OSBP2: variants seen among roughly 807,000 people sequenced by gnomAD.
OSBP2 encodes oxysterol binding protein 2, also known as oxysterol-binding protein 2.
OSBP2 carries 66 observed loss-of-function variants against 96.0 expected under a neutral mutation model. The observed-to-expected ratio is 0.69, with a 90% CI of 0.56 to 0.84. The LOEUF is 0.84. Ranked by LOEUF, OSBP2 falls within the 40% of genes least tolerant of loss-of-function variation. OSBP2 has a pLI of 0.00. For synonymous variants in OSBP2, 525 were observed against 520.9 expected (o/e 1.01, Z -0.11); for missense variants, 1,038 against 1,222.7 (o/e 0.85, Z 2.25).
intron 2 of OSBP2, among the ~76,000 whole-genome samples, chr22:30,778,335 C>CACACACACACACACA (rs1569119589): frequency 9.9e-6 from 1 of 100,616 alleles, no homozygotes; most frequent in African/African-American, 4.2e-5. Context: ...ACACACACAC[C>CACACACACACACACA]CACTGACAGC....
At chr22:30,705,437 G>T (rs764914992) in intron 1 of OSBP2, among the ~76,000 whole-genome samples, 13 of 152,082 alleles carry the variant, frequency 8.5e-5, no homozygotes, top group Non-Finnish European at 1.5e-4. Flanking sequence ...GGAATTACAG[G>T]CATGCACCAC....
At chr22:30,699,999 G>A (rs2089131003) in intron 1 of OSBP2, among the ~76,000 whole-genome samples, 2 of 143,538 alleles carry the variant, frequency 1.4e-5, no homozygotes, top group Non-Finnish European at 3.0e-5. Context: ...GTCTCGTTCT[G>A]TCACCCAGGC....
intron 2 of OSBP2, among the ~76,000 whole-genome samples, chr22:30,764,633 T>C (rs2090248317): frequency 6.6e-6 from 1 of 152,204 alleles, no homozygotes; most frequent in Non-Finnish European, 1.5e-5. Flanking sequence ...TCCTTAGGGC[T>C]TGGAGAATGC....
intron 2 of OSBP2, among the ~76,000 whole-genome samples, chr22:30,813,017 A>G (rs1475901709): frequency 1.3e-5 from 2 of 151,754 alleles, no homozygotes; most frequent in Admixed American, 6.6e-5. Flanking sequence ...TTGGTTATAT[A>G]TTTTGTGAGC....
At chr22:30,746,237 A>T (rs1258402429) in intron 2 of OSBP2, among the ~76,000 whole-genome samples, 1 of 151,988 alleles carries the variant, frequency 6.6e-6, no homozygotes, top group African/African-American at 2.4e-5. Context: ...TGGGCAACAT[A>T]GTGAGACCCT....
At position 30,734,016 on chromosome 22, in the gene OSBP2, C is replaced by G. The variant is rs559512745; in HGVS notation, c.645-7145C>G. Among the ~76,000 whole-genome samples, 50 of 152,094 alleles carry G rather than the reference C, an allele frequency of 3.3e-4. No individual in the cohort carries two copies. The South Asian group carries it at 7.3e-3, about 22-fold the overall frequency. ...TTGAGACGGAGTTTAGCTCTGTCAC[C>G]CAGGCTAGAGTGCAGTGGTGTGATC... On this transcript the variant is annotated intron_variant, in intron 1 of 13. Coordinates refer to ENST00000332585, the MANE Select transcript of OSBP2 (RefSeq NM_030758.4).
At chr22:30,803,705 G>A (rs1183114190) in intron 2 of OSBP2, among the ~76,000 whole-genome samples, 4 of 152,214 alleles carry the variant, frequency 2.6e-5, no homozygotes, top group Non-Finnish European at 5.9e-5. Flanking sequence ...TCAGGGCTTC[G>A]GGGCGAGGGT....
chr22:30,757,360 C>G (rs553839324), intron 2 of OSBP2, among the ~76,000 whole-genome samples: 6 of 152,220 alleles, frequency 3.9e-5, no homozygotes, highest in Admixed American at 1.3e-4. Flanking sequence ...GTGCCAGCTT[C>G]AAAGGGTGAT....
intron 2 of OSBP2, among the ~76,000 whole-genome samples, chr22:30,847,526 C>T (rs1441801198): frequency 2.6e-5 from 4 of 152,112 alleles, no homozygotes; most frequent in Non-Finnish European, 5.9e-5. Context: ...GTGATCCACC[C>T]GCCTCAGCTT....
At chr22:30,710,048 AATTTTTTTGGT>A (rs2089322988) in intron 1 of OSBP2, among the ~76,000 whole-genome samples, 1 of 151,870 alleles carries the variant, frequency 6.6e-6, no homozygotes, top group South Asian at 2.1e-4. Context: ...ATGCCTGGCT[AATTTTTTTGGT>A]ATTTTTAGTA....
intron 2 of OSBP2, among the ~76,000 whole-genome samples, chr22:30,764,766 A>G (rs1283093321): frequency 6.6e-6 from 1 of 152,186 alleles, no homozygotes; most frequent in African/African-American, 2.4e-5. Flanking sequence ...CATTCAAGCT[A>G]TTGACCCTCA....
chr22:30,809,250 A>G (rs1484906521), intron 2 of OSBP2, among the ~76,000 whole-genome samples: 1 of 152,228 alleles, frequency 6.6e-6, no homozygotes, highest in Admixed American at 6.5e-5. Flanking sequence ...CTAGGAAACT[A>G]ACACAGTGAG....
At chr22:30,899,418 A>T (rs1404446741) in intron 12 of OSBP2, among the ~76,000 whole-genome samples, 1 of 151,558 alleles carries the variant, frequency 6.6e-6, no homozygotes, top group Non-Finnish European at 1.5e-5. Flanking sequence ...AAAAAAAAAA[A>T]GAAAAAGAAC....
chr22:30,875,200 G>T (rs1245910624), intron 3 of OSBP2, among the ~76,000 whole-genome samples: 1 of 152,110 alleles, frequency 6.6e-6, no homozygotes, highest in Admixed American at 6.5e-5. Flanking sequence ...GCCTGCCGAG[G>T]TCACCCCTGC....
intron 1 of OSBP2, among the ~76,000 whole-genome samples, chr22:30,712,379 C>A (rs973262465): frequency 6.6e-6 from 1 of 152,074 alleles, no homozygotes; most frequent in African/African-American, 2.4e-5. Flanking sequence ...CTTCATTTGC[C>A]CTGGGAGGAG....
At position 30,893,859 on chromosome 22, in the gene OSBP2, G is replaced by C. The variant is rs757746296; in HGVS notation, c.2233G>C (p.Val745Leu). The C allele has an allele frequency of 6.3e-7, 1 of 1,585,104 alleles. No homozygotes were observed. The highest frequency in any genetic ancestry group is 8.6e-7 in the Non-Finnish European group (1 of 1,165,552). ...VSDSQGKAHY[V>L]LSGSWDEQME... ...TGACAGCCAGGGCAAGGCCCATTAC[G>C]TGCTGTCCGGCTCGTGGGATGAACA... The change falls in exon 12 of 14, where the codon GTG becomes CTG. Residue 745 changes from valine to leucine, a missense_variant. Transcript: ENST00000332585.
intron 2 of OSBP2, among the ~76,000 whole-genome samples, chr22:30,863,391 C>T (rs1041085167): frequency 8.5e-5 from 13 of 152,162 alleles, no homozygotes; most frequent in Non-Finnish European, 1.2e-4. Flanking sequence ...GCAGCGCCCC[C>T]GCAGTCCTCA....
At chr22:30,697,706 G>C (rs1404947110) in intron 1 of OSBP2, among the ~76,000 whole-genome samples, 2 of 152,200 alleles carry the variant, frequency 1.3e-5, no homozygotes, top group African/African-American at 4.8e-5. Context: ...TTTCTGGTGT[G>C]TGTGCGTGTA....
At chr22:30,740,171 C>T (rs2089919131) in intron 1 of OSBP2, among the ~76,000 whole-genome samples, 1 of 151,798 alleles carries the variant, frequency 6.6e-6, no homozygotes, top group Non-Finnish European at 1.5e-5. Context: ...TTAAGGATAA[C>T]TTGGAGGGTG....
Sources: gnomAD v4.1 joint callset for allele counts (sites outside exome capture counted in the v4.1 genomes callset) on GRCh38, gnomAD v4.1.1 for gene constraint, MANE v1.5 for transcripts, NCBI Gene and HGNC (gene_info 2026-07-23, HGNC 2026-07-21) for gene names.